The following HADH variants were observed in gnomAD, a reference collection of about 807,000 sequenced individuals.
HADH encodes hydroxyacyl-CoA dehydrogenase.
Under a neutral mutation model 32.2 loss-of-function variants are expected in HADH, and 24 were observed. The ratio of observed to expected loss-of-function variants is 0.75; its 90% CI spans 0.54 to 1.05. The LOEUF (loss-of-function observed/expected upper bound fraction) is 1.05. Among genes scored for constraint, HADH ranks in the 50% least tolerant of loss-of-function variants. HADH has a pLI of 0.00. For synonymous variants in HADH, 139 were observed against 152.5 expected (o/e 0.91, Z 0.65); for missense variants, 350 against 397.1 (o/e 0.88, Z 1.01).
At chr4:108,032,845 G>C (rs1736321750) in intron 6 of HADH, 1 of 372,594 alleles carries the variant, frequency 2.7e-6, no homozygotes, top group East Asian at 6.4e-5. Context: ...AGCCTTGTGT[G>C]GGGGCGCACA....
At chr4:107,998,645 G>T (rs1175256643) in intron 1 of HADH, among the ~76,000 whole-genome samples, 1 of 152,182 alleles carries the variant, frequency 6.6e-6, no homozygotes, top group Non-Finnish European at 1.5e-5. Context: ...CTGGAGTTGA[G>T]AGGCAGATGT....
At chr4:107,996,253 A>C (rs545915866) in intron 1 of HADH, among the ~76,000 whole-genome samples, 7 of 152,326 alleles carry the variant, frequency 4.6e-5, no homozygotes, top group Non-Finnish European at 1.0e-4. Context: ...CATCATGGCA[A>C]ACATTGTCAT....
chr4:108,015,985 T>C (rs1284425526), intron 3 of HADH, among the ~76,000 whole-genome samples: 2 of 151,846 alleles, frequency 1.3e-5, no homozygotes, highest in African/African-American at 2.4e-5. Flanking sequence ...AACAGAATGG[T>C]GTAATTGAAG....
chr4:108,028,953 T>G (rs1231470724), intron 6 of HADH: 1 of 398,602 alleles, frequency 2.5e-6, no homozygotes, highest in East Asian at 3.6e-5. Flanking sequence ...TGGCCGCCTG[T>G]GGGCTGAAGC....
chr4:108,016,424 CCAAT>C (rs759657134), intron 3 of HADH, among the ~76,000 whole-genome samples: 5 of 152,182 alleles, frequency 3.3e-5, no homozygotes, highest in Non-Finnish European at 5.9e-5. Flanking sequence ...TCCATCACTG[CCAAT>C]CAGTGTCCTC....
At chr4:108,021,253 G>A (rs2126233092) in intron 4 of HADH, among the ~76,000 whole-genome samples, 1 of 152,334 alleles carries the variant, frequency 6.6e-6, no homozygotes, top group South Asian at 2.1e-4. Flanking sequence ...TTGGAGATAG[G>A]CACATTCTGT....
At chr4:107,994,891 G>T (rs1333109449) in intron 1 of HADH, among the ~76,000 whole-genome samples, 1 of 152,142 alleles carries the variant, frequency 6.6e-6, no homozygotes, top group Non-Finnish European at 1.5e-5. Context: ...GAAGAGGTAG[G>T]GCTCACAGGC....
At chr4:107,993,110 C>A (rs780718674) in intron 1 of HADH, among the ~76,000 whole-genome samples, 147 of 152,314 alleles carry the variant, frequency 9.7e-4, no homozygotes, top group Non-Finnish European at 1.5e-3. Context: ...AGCGAGACTC[C>A]GTCTCAAAAA....
chr4:108,022,205 G>A (rs1170244151), intron 4 of HADH, among the ~76,000 whole-genome samples: 1 of 147,458 alleles, frequency 6.8e-6, no homozygotes, highest in African/African-American at 2.7e-5. Context: ...GTGTGTATGT[G>A]TGTGTGTGTG....
intron 1 of HADH, among the ~76,000 whole-genome samples, chr4:107,993,618 A>C (rs1734875208): frequency 6.6e-6 from 1 of 152,226 alleles, no homozygotes; most frequent in African/African-American, 2.4e-5. Context: ...GCAATTAAGC[A>C]ATTTAAGACA....
intron 5 of HADH, chr4:108,024,807 G>C (rs1225814386): frequency 6.6e-6 from 1 of 152,240 alleles, no homozygotes; most frequent in Non-Finnish European, 1.5e-5. Context: ...ATTATCTTCA[G>C]CAGCATAATA....
intron 1 of HADH, among the ~76,000 whole-genome samples, chr4:107,995,501 G>A (rs939725271): frequency 6.6e-6 from 1 of 152,034 alleles, no homozygotes; most frequent in Non-Finnish European, 1.5e-5. Context: ...GGGAGTTCCA[G>A]CAATTCTAAA....
chr4:108,020,475 A>C (rs975492189), intron 4 of HADH, among the ~76,000 whole-genome samples: 1 of 152,126 alleles, frequency 6.6e-6, no homozygotes, highest in African/African-American at 2.4e-5. Context: ...ATATCGAATA[A>C]AAAAACCCTA....
chr4:108,011,670 G>C (rs1735497984), intron 2 of HADH, among the ~76,000 whole-genome samples: 1 of 152,190 alleles, frequency 6.6e-6, no homozygotes, highest in African/African-American at 2.4e-5. Context: ...CCTACAAGTA[G>C]AATTGCTGGG....
intron 1 of HADH, 147 bp downstream of exon 1, chr4:107,990,211 C>T: frequency 1.2e-6 from 1 of 826,668 alleles, no homozygotes; most frequent in South Asian, 1.7e-5. Context: ...TGAAATATCT[C>T]GCGTCTGGGC....
At chr4:108,004,893 C>T in intron 1 of HADH, 2 of 1,535,836 alleles carry the variant, frequency 1.3e-6, no homozygotes, top group Non-Finnish European at 1.7e-6. Context: ...GCTGGAAGCC[C>T]AGCTGGGAGG....
intron 1 of HADH, among the ~76,000 whole-genome samples, chr4:107,994,126 T>C (rs1302251778): frequency 6.6e-6 from 1 of 152,134 alleles, no homozygotes; most frequent in African/African-American, 2.4e-5. Flanking sequence ...ACACTTTACA[T>C]GCTCTCCGGG....
chr4:108,022,100 G>A (rs1258423967), intron 4 of HADH, among the ~76,000 whole-genome samples: 1 of 151,844 alleles, frequency 6.6e-6, no homozygotes. Flanking sequence ...ATCCCATGAA[G>A]GGTCTAAAGT....
At position 107,990,038 on chromosome 4, in the gene HADH, G is replaced by C. The variant is rs994692222; in HGVS notation, c.106G>C (p.Gly36Arg). The C allele has an allele frequency of 6.2e-7, 1 of 1,610,842 alleles. No homozygotes were observed. Among genetic ancestry groups the C allele is most frequent in the Non-Finnish European group, 8.5e-7 (1 of 1,179,136 alleles). The change falls in exon 1 of 8, where the codon GGG becomes CGG. Residue 36 changes from glycine (G) to arginine (R), a missense_variant. Coordinates refer to ENST00000309522, the MANE Select transcript of HADH (RefSeq NM_005327.7). Reference sequence around the variant, plus strand: ...CAAGCACGTGACGGTCATCGGCGGCGGGCTGATGGGCGCCGGCATTGCCCA... The same window carrying C: ...CAAGCACGTGACGGTCATCGGCGGCCGGCTGATGGGCGCCGGCATTGCCCA... ...IVKHVTVIGGGLMGAGIAQVA... is the reference protein window; with the variant it reads ...IVKHVTVIGGRLMGAGIAQVA...
Sources: gnomAD v4.1 joint callset for allele counts (sites outside exome capture counted in the v4.1 genomes callset) on GRCh38, gnomAD v4.1.1 for gene constraint, MANE v1.5 for transcripts, NCBI Gene and HGNC (gene_info 2026-07-23, HGNC 2026-07-21) for gene names.